Variants in RAB6B observed in about 807,000 individuals in gnomAD.
RAB6B encodes RAB6B, member RAS oncogene family, also known as ras-related protein Rab-6B.
Under a neutral mutation model 31.2 loss-of-function variants are expected in RAB6B, and 7 were observed. The observed-to-expected ratio is 0.22, with a 90% CI of 0.13 to 0.42. The LOEUF (loss-of-function observed/expected upper bound fraction) is 0.42. Ranked by LOEUF, RAB6B falls within the 10% of genes least tolerant of loss-of-function variation. The pLI, the probability that RAB6B is intolerant of heterozygous loss-of-function variation, is 1.00. For missense variants in RAB6B, 149 were observed against 280.6 expected, an observed-to-expected ratio of 0.53 and a Z score of 3.35; for synonymous variants, 105 against 104.9, an observed-to-expected ratio of 1.00 and a Z score of -0.01.
Position 133,869,060 on chromosome 3 carries a change from C to T in RAB6B, c.71-4418G>A, listed in dbSNP as rs552809403. 2.6e-5 allele frequency among the ~76,000 whole-genome samples: 4 copies of T among 152,202 alleles called. No individual in the cohort carries two copies. In the South Asian group the frequency reaches 6.2e-4, roughly 24 times the overall value. The stretch of plus-strand genomic sequence containing the variant: ...GGTGCAGGTGGCCGGGCAGTCAGGA[C>T]ACCTGCAAGGAGGAGGCAGGGCAGC... On this transcript the variant is annotated intron_variant, in intron 1 of 7. Transcript: ENST00000285208.
At chr3:133,854,991 A>T (rs1256736367) in intron 2 of RAB6B, among the ~76,000 whole-genome samples, 1 of 152,250 alleles carries the variant, frequency 6.6e-6, no homozygotes, top group Non-Finnish European at 1.5e-5. Context: ...AATAATGAAA[A>T]GGCATGTTAC....
At chr3:133,840,180 G>A (rs1439050642) in intron 4 of RAB6B, among the ~76,000 whole-genome samples, 3 of 152,086 alleles carry the variant, frequency 2.0e-5, no homozygotes, top group Non-Finnish European at 4.4e-5. Context: ...CAGATGAGAG[G>A]AGGGGAAAGG....
intron 1 of RAB6B, chr3:133,894,701 G>A (rs888045684): frequency 2.0e-5 from 3 of 152,222 alleles, no homozygotes; most frequent in Admixed American, 2.0e-4. Context: ...CCAGATCCCT[G>A]GGCAGCAAGG....
chr3:133,840,474 A>G (rs895145898), intron 4 of RAB6B, among the ~76,000 whole-genome samples: 2 of 152,144 alleles, frequency 1.3e-5, no homozygotes, highest in African/African-American at 2.4e-5. Flanking sequence ...TCAGGTGTGG[A>G]GGGGGCCTGT....
intron 2 of RAB6B, 33 bp downstream of exon 2, chr3:133,864,551 G>C (rs777948529): frequency 6.2e-7 from 1 of 1,603,830 alleles, no homozygotes; most frequent in Non-Finnish European, 8.5e-7. Flanking sequence ...GCCACTGCCA[G>C]ATGATATGGA....
At chr3:133,855,432 T>C (rs1430225387) in intron 2 of RAB6B, among the ~76,000 whole-genome samples, 1 of 152,250 alleles carries the variant, frequency 6.6e-6, no homozygotes, top group East Asian at 1.9e-4. Context: ...CACCACCCAA[T>C]TTAAATATGT....
intron 2 of RAB6B, among the ~76,000 whole-genome samples, chr3:133,854,788 C>G (rs1936051600): frequency 6.6e-6 from 1 of 152,228 alleles, no homozygotes; most frequent in Admixed American, 6.5e-5. Context: ...ACAGAAGCTT[C>G]CATTGGCCCA....
chr3:133,876,699 T>C (rs1386685083), intron 1 of RAB6B, among the ~76,000 whole-genome samples: 1 of 152,168 alleles, frequency 6.6e-6, no homozygotes, highest in African/African-American at 2.4e-5. Flanking sequence ...ATTGCCAATA[T>C]TGAGCTTTTT....
At chr3:133,838,288 G>A (rs1172427181) in intron 5 of RAB6B, 29 bp from the exon 6 acceptor site, 4 of 1,594,194 alleles carry the variant, frequency 2.5e-6, no homozygotes, top group Non-Finnish European at 3.4e-6. Context: ...GGGGAAATCA[G>A]CTCAGCAGAG....
intron 7 of RAB6B, among the ~76,000 whole-genome samples, chr3:133,830,137 T>C (rs1281139490): frequency 6.6e-6 from 1 of 152,254 alleles, no homozygotes; most frequent in Non-Finnish European, 1.5e-5. Context: ...AATGCCCTGC[T>C]GTTTCTCTCT....
At chr3:133,886,212 G>C (rs1936545517) in intron 1 of RAB6B, among the ~76,000 whole-genome samples, 1 of 152,182 alleles carries the variant, frequency 6.6e-6, no homozygotes, top group African/African-American at 2.4e-5. Flanking sequence ...CTTCTTTGCT[G>C]GTGAGTTCCT....
rs549994783 is a variant in RAB6B at position 133,832,567 on chromosome 3, A to G, written c.562+2008T>C. Among the ~76,000 whole-genome samples, 11 of 152,296 alleles carry G rather than the reference A, an allele frequency of 7.2e-5. No individual in the cohort carries two copies. In the South Asian group the frequency reaches 1.9e-3, roughly 26 times the overall value. On this transcript the variant is annotated intron_variant, in intron 7 of 7. Coordinates refer to ENST00000285208, the MANE Select transcript of RAB6B (RefSeq NM_016577.4). ...TGACCCCAAAGCACACACCTTCAAA[A>G]CACCTGGATTTGGACTGTGAGTAAG...
At chr3:133,851,609 G>A (rs2107996565) in intron 2 of RAB6B, among the ~76,000 whole-genome samples, 1 of 152,300 alleles carries the variant, frequency 6.6e-6, no homozygotes, top group South Asian at 2.1e-4. Flanking sequence ...AGCAGAGGCA[G>A]GACTCCATGG....
At chr3:133,871,136 C>G (rs769267866) in intron 1 of RAB6B, among the ~76,000 whole-genome samples, 25 of 152,270 alleles carry the variant, frequency 1.6e-4, no homozygotes, top group Admixed American at 3.3e-4. Context: ...CCCACTGGGG[C>G]TCACTGTGTG....
At chr3:133,831,720 G>A (rs1409085230) in intron 7 of RAB6B, among the ~76,000 whole-genome samples, 3 of 152,202 alleles carry the variant, frequency 2.0e-5, no homozygotes, top group African/African-American at 7.2e-5. Context: ...GGTTAGATAT[G>A]TGCCTTTCCG....
chr3:133,895,071 G>A (rs1344400231), intron 1 of RAB6B, among the ~76,000 whole-genome samples: 2 of 152,088 alleles, frequency 1.3e-5, no homozygotes, highest in Non-Finnish European at 2.9e-5. Flanking sequence ...GCTAGCCAGC[G>A]AGCCCGGTTC....
chr3:133,858,075 G>A (rs1448362791), intron 2 of RAB6B, among the ~76,000 whole-genome samples: 1 of 152,128 alleles, frequency 6.6e-6, no homozygotes, highest in African/African-American at 2.4e-5. Flanking sequence ...GATCCCATCA[G>A]TGTCTGGGTC....
chr3:133,836,543 C>G (rs981720961), intron 6 of RAB6B, among the ~76,000 whole-genome samples: 1 of 152,204 alleles, frequency 6.6e-6, no homozygotes, highest in Non-Finnish European at 1.5e-5. Flanking sequence ...TGCTAAACCA[C>G]TGCATGGGTT....
At chr3:133,859,556 C>G (rs1049383281) in intron 2 of RAB6B, among the ~76,000 whole-genome samples, 7 of 152,164 alleles carry the variant, frequency 4.6e-5, no homozygotes, top group Non-Finnish European at 1.0e-4. Flanking sequence ...AAAGGCAGTG[C>G]GAGGGCTTTT....
Sources: allele counts gnomAD v4.1 joint callset (sites outside exome capture counted in the v4.1 genomes callset), GRCh38; gene constraint gnomAD v4.1.1; transcripts MANE v1.5; gene names NCBI Gene and HGNC (gene_info 2026-07-23, HGNC 2026-07-21).